The following CSTF2 variants were observed in gnomAD, a reference collection of about 807,000 sequenced individuals.
CSTF2 encodes the protein CF-1 64 kDa subunit.
Under a neutral mutation model 45.4 loss-of-function variants are expected in CSTF2, and 8 were observed. That is an observed-to-expected ratio of 0.18 (90% CI 0.10 to 0.32). CSTF2 has a LOEUF of 0.32. Among genes scored for constraint, CSTF2 ranks in the 10% least tolerant of loss-of-function variants. The pLI, the probability that CSTF2 is intolerant of heterozygous loss-of-function variation, is 1.00. For missense variants in CSTF2, 253 were observed against 477.1 expected (o/e 0.53, Z 4.38); for synonymous variants, 155 against 158.9 (o/e 0.98, Z 0.18).
chrX:100,826,926 T>A (rs1027018978), intron 7 of CSTF2, among the ~76,000 whole-genome samples, 169 bp downstream of exon 7: 4 of 111,684 alleles, frequency 3.6e-5, no homozygotes, highest in Non-Finnish European at 7.5e-5. Flanking sequence ...TTAAATCCTG[T>A]ATGTCTAATT....
At chrX:100,823,806 T>A (rs1365949897) in intron 4 of CSTF2, 80 bp from the exon 5 acceptor site, 1 of 1,057,473 alleles carries the variant, frequency 9.5e-7, no homozygotes, top group Non-Finnish European at 1.3e-6. Context: ...GAATATTACA[T>A]TTCTCAGAGG....
At chrX:100,827,454 C>A (rs2084951390) in intron 7 of CSTF2, among the ~76,000 whole-genome samples, 2 of 111,600 alleles carry the variant, frequency 1.8e-5, no homozygotes, top group African/African-American at 6.5e-5. Context: ...TGATGTATTA[C>A]CAATATTTAA....
At chrX:100,829,307 T>G (rs933951316) in intron 8 of CSTF2, among the ~76,000 whole-genome samples, 7 of 110,848 alleles carry the variant, frequency 6.3e-5, no homozygotes, top group African/African-American at 2.3e-4. Context: ...CTAGACAACA[T>G]GGCAAAACCC....
At chrX:100,820,917 C>T (rs1425575015) in intron 1 of CSTF2, among the ~76,000 whole-genome samples, 1 of 112,215 alleles carries the variant, frequency 8.9e-6, no homozygotes, top group African/African-American at 3.2e-5. Context: ...ATAGTGGTAG[C>T]GGCCACCTGG....
intron 1 of CSTF2, 51 bp downstream of exon 1, chrX:100,820,525 C>G: frequency 8.8e-7 from 1 of 1,135,653 alleles, no homozygotes; most frequent in Non-Finnish European, 1.2e-6. Flanking sequence ...CCCCTCTGCA[C>G]CTTCTATCTC....
chrX:100,839,321 A>G (rs2085027494), intron 13 of CSTF2, among the ~76,000 whole-genome samples: 1 of 109,562 alleles, frequency 9.1e-6, no homozygotes, highest in Admixed American at 9.8e-5. Context: ...TTACACATAC[A>G]TGTATCAGTG....
Position 100,821,510 on chromosome X carries a change from C to A in CSTF2, c.59-17C>A, listed in dbSNP as rs1232042871. 9.0e-7 allele frequency: 1 copy of A among 1,116,974 alleles called. No individual in the cohort carries two copies. Among genetic ancestry groups the A allele is most frequent in the Admixed American group, 2.2e-5 (1 of 45,441 alleles). The allele number at this position is 1,116,974 out of a possible 1,213,427, so 92.1% of individuals were successfully genotyped here. A position where few individuals can be genotyped will look rare whatever the true frequency, so the allele number is the denominator to read the frequency against. On this transcript the variant is annotated splice_polypyrimidine_tract_variant and intron_variant, in intron 1 of 13. Transcript: ENST00000372972. ...TTATAAACTCAGAATTTTAATGTTA[C>A]CTATTTTCTTCCTTAGTGGGGAACA... is the stretch of plus-strand genomic sequence containing the variant.
At chrX:100,826,199 A>T (rs1304195845) in intron 6 of CSTF2, among the ~76,000 whole-genome samples, 3 of 108,560 alleles carry the variant, frequency 2.8e-5, no homozygotes, top group Non-Finnish European at 3.8e-5. Flanking sequence ...TGGTTAAATT[A>T]AAAAAAAAAT....
At chrX:100,829,366 T>C (rs1427165684) in intron 8 of CSTF2, among the ~76,000 whole-genome samples, 2 of 110,636 alleles carry the variant, frequency 1.8e-5, no homozygotes, top group Non-Finnish European at 3.8e-5. Context: ...TGGTGTGCAC[T>C]TGTGGTCCCA....
At chrX:100,835,796 C>T (rs2085004666) in intron 11 of CSTF2, among the ~76,000 whole-genome samples, 1 of 110,669 alleles carries the variant, frequency 9.0e-6, no homozygotes, top group South Asian at 3.9e-4. Flanking sequence ...TACTTGTCTG[C>T]CTAGAACAAG....
intron 4 of CSTF2, 40 bp from the exon 5 acceptor site, chrX:100,823,846 A>G (rs780409600): frequency 8.4e-7 from 1 of 1,187,241 alleles, no homozygotes; most frequent in Non-Finnish European, 1.1e-6. Context: ...ATCAGTTTCT[A>G]AGTCATAAGT....
intron 11 of CSTF2, among the ~76,000 whole-genome samples, chrX:100,834,333 C>T (rs944952064): frequency 9.0e-6 from 1 of 111,635 alleles, no homozygotes; most frequent in African/African-American, 3.3e-5. Context: ...ATACATCAAT[C>T]ATCTAATTCC....
chrX:100,826,503 A>G (rs2084945511), intron 6 of CSTF2, 131 bp from the exon 7 acceptor site: 1 of 558,951 alleles, frequency 1.8e-6, no homozygotes, highest in South Asian at 3.3e-5. Flanking sequence ...TGCATAAGAC[A>G]TGCCATACAA....
chrX:100,836,874 C>G (rs776738461), intron 11 of CSTF2, among the ~76,000 whole-genome samples: 3 of 112,105 alleles, frequency 2.7e-5, no homozygotes, highest in Non-Finnish European at 3.8e-5. Context: ...CTCTGCCTCA[C>G]TTGTGGGATA....
chrX:100,839,338 T>C (rs1015100631), intron 13 of CSTF2, among the ~76,000 whole-genome samples: 20 of 111,099 alleles, frequency 1.8e-4, no homozygotes, highest in African/African-American at 6.5e-4. Flanking sequence ...AGTGTTTCTT[T>C]TTTAAAAAAA....
intron 8 of CSTF2, among the ~76,000 whole-genome samples, chrX:100,830,017 A>G (rs921383017): frequency 8.9e-6 from 1 of 112,126 alleles, no homozygotes; most frequent in Non-Finnish European, 1.9e-5. Context: ...CAGCAGAGGA[A>G]GCAAGAGTCT....
intron 10 of CSTF2, 45 bp from the exon 11 acceptor site, chrX:100,833,135 C>T (rs757173408): frequency 2.6e-6 from 3 of 1,144,322 alleles, no homozygotes; most frequent in Non-Finnish European, 3.5e-6. Context: ...TCTTGCAGTA[C>T]ATGCAAGTAG....
chrX:100,826,336 G>A (rs2084944328), intron 6 of CSTF2, among the ~76,000 whole-genome samples: 1 of 91,752 alleles, frequency 1.1e-5, no homozygotes, highest in South Asian at 5.8e-4. Flanking sequence ...CCCCAATCAT[G>A]AAGTTAACAG....
At chrX:100,826,291 C>CTTT (rs771545462) in intron 6 of CSTF2, among the ~76,000 whole-genome samples, 24 of 67,949 alleles carry the variant, frequency 3.5e-4, no homozygotes, top group African/African-American at 1.4e-3. Context: ...GGGTTTAGGG[C>CTTT]TTTTTTTTTT....
Sources: gnomAD v4.1 joint callset for allele counts (sites outside exome capture counted in the v4.1 genomes callset) on GRCh38, gnomAD v4.1.1 for gene constraint, MANE v1.5 for transcripts, NCBI Gene and HGNC (gene_info 2026-07-23, HGNC 2026-07-21) for gene names.